Variants in TENM3 observed in about 807,000 individuals in gnomAD.
TENM3 encodes teneurin transmembrane protein 3.
A neutral mutation model predicts 255.1 loss-of-function variants in TENM3; 63 were observed. The observed-to-expected ratio is 0.25, with a 90% CI of 0.20 to 0.30. The LOEUF is 0.30. Ranked by LOEUF, TENM3 falls within the 10% of genes least tolerant of loss-of-function variation. TENM3 has a pLI of 1.00. For missense variants in TENM3, 2,929 were observed against 3,461.1 expected (o/e 0.85, Z 3.86); for synonymous variants, 1,306 against 1,322.3 (o/e 0.99, Z 0.27).
chr4:181,761,043 T>A, the TENM3 span, among the ~76,000 whole-genome samples: 1 of 151,164 alleles, frequency 6.6e-6, no homozygotes, highest in Non-Finnish European at 1.5e-5. Context: ...AAGTCTGTTC[T>A]ATAAATTATC....
chr4:182,738,571 T>G (rs1423120253), intron 18 of TENM3, 27 bp downstream of exon 18: 1 of 1,579,356 alleles, frequency 6.3e-7, no homozygotes, highest in African/African-American at 1.4e-5. Flanking sequence ...AGATAACTGA[T>G]GTTGTAATGT....
the TENM3 span, among the ~76,000 whole-genome samples, chr4:181,770,419 A>C: frequency 6.6e-6 from 1 of 152,256 alleles, no homozygotes; most frequent in Non-Finnish European, 1.5e-5. Flanking sequence ...TCACGCCTGT[A>C]ATCCCAGCAC....
intron 3 of TENM3, among the ~76,000 whole-genome samples, chr4:182,539,629 G>A (rs769243899): frequency 3.9e-5 from 6 of 152,266 alleles, no homozygotes; most frequent in Non-Finnish European, 7.4e-5. Context: ...AGGATCATTC[G>A]AACGATATTA....
intron 6 of TENM3, among the ~76,000 whole-genome samples, chr4:182,656,708 ATG>A (rs1362693259): frequency 1.3e-5 from 2 of 152,206 alleles, no homozygotes; most frequent in Admixed American, 6.5e-5. Flanking sequence ...CAGCTTCTAA[ATG>A]TAATACTCTT....
intron 1 of TENM3, among the ~76,000 whole-genome samples, chr4:182,306,144 G>A (rs188559141): frequency 2.6e-5 from 4 of 152,190 alleles, no homozygotes; most frequent in East Asian, 3.9e-4. Flanking sequence ...CCTCTGTCCC[G>A]TGATATGATA....
chr4:182,262,718 T>C (rs1233090210), intron 1 of TENM3, among the ~76,000 whole-genome samples: 2 of 138,450 alleles, frequency 1.4e-5, no homozygotes, highest in African/African-American at 5.2e-5. Flanking sequence ...TTCCTTTACT[T>C]TCTTTTTTTT....
At chr4:182,647,630 G>C (rs1005312349) in intron 5 of TENM3, among the ~76,000 whole-genome samples, 43 of 152,274 alleles carry the variant, frequency 2.8e-4, no homozygotes, top group African/African-American at 9.9e-4. Context: ...ATCCATTGAT[G>C]GGCATTTGGG....
chr4:181,789,680 G>A, the TENM3 span, among the ~76,000 whole-genome samples: 13 of 152,164 alleles, frequency 8.5e-5, no homozygotes, highest in Admixed American at 3.9e-4. Context: ...TTTCAGCCCC[G>A]CCTACCAACC....
At chr4:182,776,603 T>G (rs570156007) in intron 24 of TENM3, among the ~76,000 whole-genome samples, 1 of 152,298 alleles carries the variant, frequency 6.6e-6, no homozygotes, top group South Asian at 2.1e-4. Context: ...TTGCCTGCTG[T>G]TCTTGGAGAC....
At chr4:182,427,794 G>A (rs919703016) in intron 3 of TENM3, among the ~76,000 whole-genome samples, 1 of 152,132 alleles carries the variant, frequency 6.6e-6, no homozygotes, top group Non-Finnish European at 1.5e-5. Flanking sequence ...TACACAGTAT[G>A]GACCCAGAAA....
chr4:182,726,766 T>G (rs1284735982), intron 13 of TENM3, among the ~76,000 whole-genome samples: 1 of 152,164 alleles, frequency 6.6e-6, no homozygotes, highest in East Asian at 1.9e-4. Flanking sequence ...CCAGGCCTTC[T>G]CACGTCTTGT....
At position 182,675,900 on chromosome 4, in the gene TENM3, A is replaced by G. The variant is rs193112056; in HGVS notation, c.1326+2681A>G. Among the ~76,000 whole-genome samples the G allele has an allele frequency of 3.5e-3, 529 of 152,336 alleles. 3 individuals are homozygous for G. Among genetic ancestry groups the G allele is most frequent in the Middle Eastern group, 6.8e-3 (2 of 294 alleles). ...TTCTCATAATCCTTCTAGTATTTAA[A>G]CACAATACATGTGATATCCTCTTTT... On this transcript the variant is annotated intron_variant, in intron 7 of 27. Transcript: ENST00000511685.
At chr4:182,391,676 C>A (rs1281498358) in intron 3 of TENM3, among the ~76,000 whole-genome samples, 1 of 152,192 alleles carries the variant, frequency 6.6e-6, no homozygotes, top group Non-Finnish European at 1.5e-5. Context: ...TTCCAATGCA[C>A]TGTATAGACT....
chr4:182,551,893 T>C lies in TENM3; in HGVS notation c.512-49031T>C, dbSNP rs112787224. ...CTAGCCAGGCGTGGTAGTGCATGCCTGTAAGTCCTAGCTACTCAGGAGGCT... is the reference window on the plus strand; with the variant it reads ...CTAGCCAGGCGTGGTAGTGCATGCCCGTAAGTCCTAGCTACTCAGGAGGCT... On this transcript the variant is annotated intron_variant, in intron 3 of 27. Coordinates refer to ENST00000511685, the MANE Select transcript of TENM3 (RefSeq NM_001080477.4). Among the ~76,000 whole-genome samples the C allele has an allele frequency of 8.4e-3, 1,273 of 151,976 alleles. 22 individuals are homozygous for C. Among genetic ancestry groups the C allele is most frequent in the African/African-American group, 0.029 (1,211 of 41,446 alleles).
At chr4:182,229,777 G>A (rs56226945) in intron 1 of TENM3, among the ~76,000 whole-genome samples, 4,671 of 152,156 alleles carry the variant, frequency 0.031, 113 homozygotes, top group South Asian at 0.046. Flanking sequence ...CATTTCTCTT[G>A]TGATAACATA....
the TENM3 span, among the ~76,000 whole-genome samples, chr4:181,981,235 A>G: frequency 2.0e-5 from 3 of 152,028 alleles, no homozygotes; most frequent in African/African-American, 7.2e-5. Context: ...TCTACCTACA[A>G]TTTACTCCCA....
At chr4:182,481,825 A>G (rs1202765321) in intron 3 of TENM3, among the ~76,000 whole-genome samples, 1 of 152,232 alleles carries the variant, frequency 6.6e-6, no homozygotes, top group Non-Finnish European at 1.5e-5. Flanking sequence ...AATACAATAA[A>G]ATACAATACA....
At chr4:182,199,186 G>A (rs985889782) in intron 1 of TENM3, among the ~76,000 whole-genome samples, 11 of 152,038 alleles carry the variant, frequency 7.2e-5, no homozygotes, top group Admixed American at 4.6e-4. Context: ...ATTTCAGGCC[G>A]GGCACGGTGG....
At chr4:182,029,201 CA>C in the TENM3 span, among the ~76,000 whole-genome samples, 1 of 152,036 alleles carries the variant, frequency 6.6e-6, no homozygotes, top group Non-Finnish European at 1.5e-5. Flanking sequence ...AGAGAACAAG[CA>C]GGGGAGGTAC....
Sources: allele counts gnomAD v4.1 joint callset (sites outside exome capture counted in the v4.1 genomes callset), GRCh38; gene constraint gnomAD v4.1.1; transcripts MANE v1.5; gene names NCBI Gene and HGNC (gene_info 2026-07-23, HGNC 2026-07-21).